The following RYR1 variants were observed in gnomAD, a reference collection of about 807,000 sequenced individuals.
RYR1 encodes ryanodine receptor 1.
In RYR1, 342 loss-of-function variants were observed where a neutral mutation model predicts 583.5. The ratio of observed to expected loss-of-function variants is 0.59; its 90% confidence interval spans 0.54 to 0.64. RYR1 has a LOEUF of 0.64. Ranked by LOEUF, RYR1 falls within the 30% of genes least tolerant of loss-of-function variation. The pLI is 0.00. For missense variants in RYR1, 6,032 were observed against 6,917.2 expected (o/e 0.87, Z 4.54); for synonymous variants, 2,791 against 2,822.5 (o/e 0.99, Z 0.35).
intron 20 of RYR1, among the ~76,000 whole-genome samples, chr19:38,462,836 C>T (rs1243589277): frequency 6.6e-6 from 1 of 151,456 alleles, no homozygotes; most frequent in Non-Finnish European, 1.5e-5. Flanking sequence ...TCATGGAGCT[C>T]CCAGTCCACG....
At chr19:38,577,835 A>C in intron 97 of RYR1, 83 bp from the exon 98 acceptor site, 1 of 1,571,986 alleles carries the variant, frequency 6.4e-7, no homozygotes, top group Non-Finnish European at 8.7e-7. Context: ...CAGAGTTTGG[A>C]GTGTCCCCAG....
chr19:38,539,238 C>CTTTTTTT (rs766181329), intron 84 of RYR1, among the ~76,000 whole-genome samples: 1 of 118,710 alleles, frequency 8.4e-6, no homozygotes, highest in African/African-American at 3.1e-5. Flanking sequence ...AAGATTTTTT[C>CTTTTTTT]TTTTTTTTTT....
rs1272167557 is a variant in RYR1, at chr19:38,580,514, TC to T, written c.14646+14del. On this transcript the variant is annotated intron_variant, in intron 101 of 105. Transcript: ENST00000359596. ...TGATGACATGATGACGGTGAGCCCC[TC>T]CCCTAGCACTCTGGGACCCTTCCTT... The T allele has an allele frequency of 6.2e-7, 1 of 1,613,772 alleles. No individual in the cohort carries two copies. Among genetic ancestry groups the T allele is most frequent in the South Asian group, 1.1e-5 (1 of 91,076 alleles).
chr19:38,529,098 C>A, intron 76 of RYR1, 41 bp downstream of exon 76: 1 of 1,595,902 alleles, frequency 6.3e-7, no homozygotes, highest in South Asian at 1.1e-5. Context: ...CCCCCAAGGT[C>A]CTGGGGCCAC....
At position 38,582,168 on chromosome 19, in the gene RYR1, G is replaced by T. The variant is rs542956570; in HGVS notation, c.14646+1664G>T. Among the ~76,000 whole-genome samples the T allele has an allele frequency of 4.0e-5, 6 of 151,796 alleles. No homozygotes were observed. The East Asian group carries it at 1.2e-3, about 30-fold the overall frequency. On this transcript the variant is annotated intron_variant, in intron 101 of 105. Transcript: ENST00000359596. Reference sequence around the variant, plus strand: ...ATCCCAGCACTTTGGGGGGCTGAGGGGGGCAGATTACCTGAGGTTGGGAGT... The same window carrying T: ...ATCCCAGCACTTTGGGGGGCTGAGGTGGGCAGATTACCTGAGGTTGGGAGT...
In RYR1 at chr19:38,492,551, C is replaced by T. The variant is rs964344228; in HGVS notation, c.6189C>T (p.Leu2063=). 7 of 1,613,824 alleles carry T rather than the reference C, an allele frequency of 4.3e-6. No homozygotes were observed. Among genetic ancestry groups the T allele is most frequent in the South Asian group, 3.3e-5 (3 of 91,064 alleles). Residue 2063 remains leucine, a synonymous_variant, in exon 38 of 106, where the codon CTC becomes CTT. Transcript: ENST00000359596. ...PEEETTLGSR[L]MSLLEKVRLV... ...AAGAGACCACCCTGGGCAGCCGCCT[C>T]ATGAGCCTGTTGGAGAAAGTGCGGC... is the stretch of plus-strand genomic sequence containing the variant.
intron 92 of RYR1, 82 bp from the exon 93 acceptor site, chr19:38,567,691 C>T: frequency 6.2e-7 from 1 of 1,608,270 alleles, no homozygotes; most frequent in Non-Finnish European, 8.5e-7. Flanking sequence ...CAGGGCGGGC[C>T]CTTGGTGAAT....
intron 48 of RYR1, 24 bp from the exon 49 acceptor site, chr19:38,502,856 T>C (rs1225292423): frequency 1.2e-6 from 2 of 1,604,892 alleles, no homozygotes; most frequent in South Asian, 1.1e-5. Flanking sequence ...CGGGGGATTC[T>C]ACATCTTGTG....
rs367849048 is a variant in RYR1, at chr19:38,506,786, G to A, written c.8693-43G>A. On this transcript the variant is annotated intron_variant, in intron 56 of 105. Transcript: ENST00000359596. ...GGAACCACTTCAGTGAGAGTGGCCCGGGTCTTCCCCAGAGCCCTGATTTCT... is the reference window on the plus strand; with the variant it reads ...GGAACCACTTCAGTGAGAGTGGCCCAGGTCTTCCCCAGAGCCCTGATTTCT... 14 of 1,613,516 alleles carry A rather than the reference G, an allele frequency of 8.7e-6. No individual in the cohort carries two copies. The African/African-American group carries it at 9.3e-5, about 11-fold the overall frequency.
chr19:38,478,708 C>A, intron 31 of RYR1, 108 bp downstream of exon 31: 2 of 1,320,896 alleles, frequency 1.5e-6, no homozygotes, highest in Non-Finnish European at 2.1e-6. Flanking sequence ...ACAAAAACAG[C>A]TCCTAGGCTG....
At chr19:38,567,550 C>A (rs757972987) in intron 92 of RYR1, among the ~76,000 whole-genome samples, 1 of 152,152 alleles carries the variant, frequency 6.6e-6, no homozygotes, top group Non-Finnish European at 1.5e-5. Context: ...CAGCCCCGAC[C>A]ACTCTGGGCT....
In RYR1 at chr19:38,502,946, C is replaced by A. The variant is rs148041292; in HGVS notation, c.7902C>A (p.Asn2634Lys). 1.1e-4 allele frequency: 184 copies of A among 1,610,608 alleles called. No individual in the cohort carries two copies. Among genetic ancestry groups the A allele is most frequent in the Admixed American group, 1.5e-4 (9 of 59,990 alleles). Reference sequence around the variant, plus strand: ...TGGTGTTCGACGTGCCCATCCTCAACGAGTTCGCCAAGATGCCACTCAAGG... The same window carrying A: ...TGGTGTTCGACGTGCCCATCCTCAAAGAGTTCGCCAAGATGCCACTCAAGG... ...RRLVFDVPILNEFAKMPLKLL... is the reference protein window; with the variant it reads ...RRLVFDVPILKEFAKMPLKLL... Residue 2634 changes from asparagine to lysine, a missense_variant, in exon 49 of 106, where the codon AAC becomes AAA. Physicochemically the swap from Asn to Lys is moderately conservative, Grantham distance 94. This residue lies in a region of RYR1 where 250 missense variants were observed against 162.3 expected (regional missense o/e 1.54). Coordinates refer to ENST00000359596, the MANE Select transcript of RYR1 (RefSeq NM_000540.3).
At chr19:38,501,608 G>A (rs1970124714) in intron 47 of RYR1, among the ~76,000 whole-genome samples, 1 of 152,210 alleles carries the variant, frequency 6.6e-6, no homozygotes, top group African/African-American at 2.4e-5. Context: ...GCACTGAGAA[G>A]TGACCACCGA....
chr19:38,579,443 A>T (rs1162592913), intron 99 of RYR1, among the ~76,000 whole-genome samples: 1 of 147,906 alleles, frequency 6.8e-6, no homozygotes, highest in South Asian at 2.1e-4. Flanking sequence ...AAAAAAAAAA[A>T]TTAGCTGGGT....
At chr19:38,442,198 T>C in intron 2 of RYR1, 151 bp from the exon 3 acceptor site, 1 of 554,386 alleles carries the variant, frequency 1.8e-6, no homozygotes, top group Non-Finnish European at 3.2e-6. Flanking sequence ...CTGAGGGGGA[T>C]GGCAGAGGGC....
chr19:38,503,017 T>G, intron 49 of RYR1, 47 bp downstream of exon 49: 1 of 1,580,196 alleles, frequency 6.3e-7, no homozygotes. Flanking sequence ...CCGCACCCAC[T>G]GGTTTGCTCT....
chr19:38,540,122 A>G (rs118177406), intron 84 of RYR1, among the ~76,000 whole-genome samples: 3,457 of 152,236 alleles, frequency 0.023, 92 homozygotes, highest in Admixed American at 0.073. Context: ...AACGGGGGGC[A>G]AAAATACTTT....
chr19:38,494,279 T>C (rs554275860), intron 38 of RYR1, 73 bp from the exon 39 acceptor site: 44 of 1,593,390 alleles, frequency 2.8e-5, no homozygotes, highest in African/African-American at 1.3e-4. Flanking sequence ...CCTTCCACAT[T>C]GTTCTGGTCC....
At chr19:38,542,393 AT>A (rs1449869856) in intron 84 of RYR1, among the ~76,000 whole-genome samples, 1 of 152,128 alleles carries the variant, frequency 6.6e-6, no homozygotes, top group Non-Finnish European at 1.5e-5. Flanking sequence ...CTGAATCTCT[AT>A]TTCTCCCTGC....
Sources: gnomAD v4.1 joint callset for allele counts (sites outside exome capture counted in the v4.1 genomes callset) on GRCh38, gnomAD v4.1.1 for gene constraint, gnomAD v4.1.1 regional missense constraint, MANE v1.5 for transcripts, NCBI Gene and HGNC (gene_info 2026-07-23, HGNC 2026-07-21) for gene names.